THBS4: variants seen among roughly 807,000 people sequenced by gnomAD.
The protein encoded by THBS4 is thrombospondin 4, also known as thrombospondin-4.
THBS4 carries 90 observed loss-of-function variants against 115.7 expected under a neutral mutation model. The observed-to-expected ratio is 0.78, with a 90% CI of 0.66 to 0.93. THBS4 has a LOEUF of 0.93. Ranked by LOEUF, THBS4 falls within the 40% of genes least tolerant of loss-of-function variation. The probability of loss-of-function intolerance (pLI) is 0.00; values close to 1 mark genes in which losing one functional copy is unlikely to be tolerated. For missense variants in THBS4, 1,087 were observed against 1,232.7 expected, an observed-to-expected ratio of 0.88 and a Z score of 1.77; for synonymous variants, 460 against 479.3, an observed-to-expected ratio of 0.96 and a Z score of 0.53.
intron 3 of THBS4, among the ~76,000 whole-genome samples, 155 bp downstream of exon 3, chr5:80,056,187 A>G (rs1056783911): frequency 2.0e-5 from 3 of 152,202 alleles, no homozygotes; most frequent in Non-Finnish European, 4.4e-5. Context: ...AGCAAGTGAT[A>G]GGGGGCTGCC....
intron 1 of THBS4, among the ~76,000 whole-genome samples, chr5:79,993,069 C>T (rs1192665899): frequency 3.3e-5 from 5 of 152,138 alleles, no homozygotes; most frequent in African/African-American, 1.2e-4. Flanking sequence ...TGTAGCAGGA[C>T]TGAGAGGAGT....
chr5:80,078,565 T>C (rs1362205868), intron 17 of THBS4, among the ~76,000 whole-genome samples: 1 of 152,194 alleles, frequency 6.6e-6, no homozygotes, highest in Non-Finnish European at 1.5e-5. Context: ...CCTCATTGTG[T>C]AACTAAGAAG....
chr5:80,005,630 C>T (rs1309373528), intron 2 of THBS4, among the ~76,000 whole-genome samples: 1 of 152,040 alleles, frequency 6.6e-6, no homozygotes, highest in Non-Finnish European at 1.5e-5. Flanking sequence ...TCTTGGTGTC[C>T]TGTTTTGTAT....
chr5:80,022,841 A>G (rs1370796036), intron 2 of THBS4, among the ~76,000 whole-genome samples: 7 of 152,208 alleles, frequency 4.6e-5, no homozygotes, highest in African/African-American at 1.2e-4. Context: ...TTATATAAGA[A>G]GCAGGTTTCT....
intron 15 of THBS4, among the ~76,000 whole-genome samples, chr5:80,075,592 A>G (rs571557776): frequency 1.3e-5 from 2 of 152,184 alleles, no homozygotes; most frequent in African/African-American, 4.8e-5. Context: ...CACTCTGACT[A>G]CTATCTACAT....
chr5:80,013,745 A>G (rs1342050804), intron 2 of THBS4, among the ~76,000 whole-genome samples: 1 of 152,146 alleles, frequency 6.6e-6, no homozygotes, highest in Non-Finnish European at 1.5e-5. Context: ...TATCCCCTCT[A>G]AGACTTCATC....
intron 2 of THBS4, among the ~76,000 whole-genome samples, chr5:80,028,017 A>C (rs545220934): frequency 1.7e-4 from 26 of 152,100 alleles, no homozygotes; most frequent in Non-Finnish European, 3.1e-4. Context: ...TTACTGCTCT[A>C]TATATACTTT....
At chr5:80,056,068 ATG>A in intron 3 of THBS4, 36 bp downstream of exon 3, 1 of 1,562,556 alleles carries the variant, frequency 6.4e-7, no homozygotes, top group East Asian at 2.3e-5. Flanking sequence ...AAGTGGAAAA[ATG>A]AGCTGCCAGT....
intron 2 of THBS4, among the ~76,000 whole-genome samples, chr5:80,029,924 C>G (rs988955321): frequency 6.6e-6 from 1 of 151,978 alleles, no homozygotes; most frequent in African/African-American, 2.4e-5. Flanking sequence ...AAGCCGAGAT[C>G]GCGCTGCTGC....
chr5:80,038,464 G>T (rs936301639), intron 1 of THBS4, among the ~76,000 whole-genome samples: 1 of 152,022 alleles, frequency 6.6e-6, no homozygotes, highest in Admixed American at 6.6e-5. Flanking sequence ...CCCTTAAGTT[G>T]TTTTCGGTTT....
chr5:80,017,910 C>T (rs1561295022), intron 2 of THBS4, among the ~76,000 whole-genome samples: 2 of 152,078 alleles, frequency 1.3e-5, no homozygotes, highest in Non-Finnish European at 2.9e-5. Context: ...GATATTCTGG[C>T]TTCCATTAAT....
Position 80,064,688 on chromosome 5 carries a change from T to C in THBS4, c.1126-721T>C, listed in dbSNP as rs150349431. Among the ~76,000 whole-genome samples, 1,304 of 152,200 alleles carry C rather than the reference T, an allele frequency of 8.6e-3. 11 individuals carry two copies. Among genetic ancestry groups the C allele is most frequent in the South Asian group, 0.017 (84 of 4,820 alleles). On this transcript the variant is annotated intron_variant, in intron 8 of 21. Transcript: ENST00000350881. ...TCGAGGCTGCCGTGAGCTGTGATTG[T>C]GCCACTGCACTCCAGCCTGAGCGAC...
intron 2 of THBS4, among the ~76,000 whole-genome samples, chr5:80,001,479 G>T (rs1420828423): frequency 6.6e-6 from 1 of 152,218 alleles, no homozygotes; most frequent in Non-Finnish European, 1.5e-5. Flanking sequence ...ACATGGAGGA[G>T]ATAAACACAG....
At chr5:80,082,217 T>A in intron 20 of THBS4, 189 bp from the exon 21 acceptor site, 3 of 594,144 alleles carry the variant, frequency 5.0e-6, no homozygotes, top group Non-Finnish European at 8.4e-6. Flanking sequence ...GTCCCTGCCC[T>A]CAAGGACTTC....
intron 8 of THBS4, 56 bp from the exon 9 acceptor site, chr5:80,065,353 C>A: frequency 6.8e-7 from 1 of 1,465,498 alleles, no homozygotes; most frequent in South Asian, 1.2e-5. Context: ...GATTTATTTG[C>A]ATTTCTATTT....
chr5:80,071,150 G>A lies in THBS4; in HGVS notation c.1690G>A (p.Asp564Asn). The change falls in exon 13 of 22, where the codon GAT becomes AAT. Residue 564 changes from aspartate (D) to asparagine (N), a missense_variant. Asp to Asn is a conservative substitution (Grantham distance 23, BLOSUM62 1). This residue lies in a region of THBS4 where 979 missense variants were observed against 1,103.7 expected (regional missense o/e 0.89). Coordinates refer to ENST00000350881, the MANE Select transcript of THBS4 (RefSeq NM_003248.6). ...AGACACCGATGGGGATGGAAGAGGA[G>A]ATGCCTGTGATGATGACATGGATGG... ...QKDTDGDGRG[D>N]ACDDDMDGDG... 6.3e-7 allele frequency: 1 copy of A among 1,590,764 alleles called. No homozygotes were observed.
chr5:80,036,152 A>G (rs2112018171), intron 1 of THBS4: 1 of 985,508 alleles, frequency 1.0e-6, no homozygotes, highest in Non-Finnish European at 1.2e-6. Context: ...TATTTCAAGG[A>G]TTGGCTTGAT....
At chr5:80,081,000 A>ACTTTTTT (rs1743477506) in intron 20 of THBS4, among the ~76,000 whole-genome samples, 2 of 152,130 alleles carry the variant, frequency 1.3e-5, no homozygotes, top group African/African-American at 4.8e-5. Context: ...CTTTCTTTAT[A>ACTTTTTT]GGACTTTTTT....
At chr5:79,999,262 A>G (rs1346491139) in intron 2 of THBS4, among the ~76,000 whole-genome samples, 1 of 152,200 alleles carries the variant, frequency 6.6e-6, no homozygotes, top group Admixed American at 6.5e-5. Context: ...TTCTAAACCC[A>G]TTAACAGTTT....
Sources: allele counts gnomAD v4.1 joint callset (sites outside exome capture counted in the v4.1 genomes callset), GRCh38; gene constraint gnomAD v4.1.1; regional missense constraint gnomAD v4.1.1; transcripts MANE v1.5; gene names NCBI Gene and HGNC (gene_info 2026-07-23, HGNC 2026-07-21).